TJP1: variants seen among roughly 807,000 people sequenced by gnomAD.
The protein encoded by TJP1 is tight junction protein ZO-1.
A neutral mutation model predicts 194.2 loss-of-function variants in TJP1; 43 were observed. That is an observed-to-expected ratio of 0.22 (90% CI 0.17 to 0.29). TJP1 has a LOEUF of 0.29. Ranked by LOEUF, TJP1 falls within the 10% of genes least tolerant of loss-of-function variation. The pLI is 1.00. For synonymous variants in TJP1, 801 were observed against 779.0 expected (o/e 1.03, Z -0.47); for missense variants, 1,971 against 2,185.7 (o/e 0.90, Z 1.96).
At chr15:29,891,607 C>A (rs1462255949) in intron 2 of TJP1, among the ~76,000 whole-genome samples, 1 of 152,196 alleles carries the variant, frequency 6.6e-6, no homozygotes, top group South Asian at 2.1e-4. Context: ...TTCCATGTCA[C>A]CTTTTGGTCA....
intron 1 of TJP1, 23 bp downstream of exon 1, chr15:29,821,979 C>CTGGCGGCCGCGGAGGCGCTCACCT: frequency 1.5e-6 from 2 of 1,298,860 alleles, no homozygotes; most frequent in Non-Finnish European, 2.0e-6. Context: ...CGGTCTGGCC[C>CTGGCGGCCGCGGAGGCGCTCACCT]TGGCGGCCGC....
At position 29,784,912 on chromosome 15, in the gene TJP1, A is replaced by T. The variant is rs76489170; in HGVS notation, c.85-11555T>A. ...TAAATGATAGCATGTGCAAAAAAAAATTTTTACTGTTTCCAGTAATCAAAG... is the reference window on the plus strand; with the variant it reads ...TAAATGATAGCATGTGCAAAAAAAATTTTTTACTGTTTCCAGTAATCAAAG... On this transcript the variant is annotated intron_variant, in intron 2 of 27. Coordinates refer to ENST00000614355, the MANE Select transcript of TJP1 (RefSeq NM_001330239.4). 3.8e-3 allele frequency among the ~76,000 whole-genome samples: 584 copies of T among 152,282 alleles called. 15 individuals are homozygous for T. In the East Asian group the frequency reaches 0.076, roughly 20 times the overall value.
intron 1 of TJP1, among the ~76,000 whole-genome samples, chr15:29,805,257 C>T (rs1423486341): frequency 6.6e-6 from 1 of 152,204 alleles, no homozygotes; most frequent in Non-Finnish European, 1.5e-5. Flanking sequence ...AAAGACACTA[C>T]TCAGATCACC....
At chr15:29,862,991 T>G (rs1040510467) in intron 2 of TJP1, among the ~76,000 whole-genome samples, 2 of 151,006 alleles carry the variant, frequency 1.3e-5, no homozygotes, top group African/African-American at 4.9e-5. Flanking sequence ...ACCAGATCTG[T>G]GCTTTAGAAA....
At chr15:29,734,471 A>C in intron 11 of TJP1, 89 bp from the exon 12 acceptor site, 1 of 929,426 alleles carries the variant, frequency 1.1e-6, no homozygotes, top group Non-Finnish European at 1.6e-6. Flanking sequence ...AGTCTACCTA[A>C]TTTGAAAATA....
At chr15:29,761,425 A>G (rs1356896921) in intron 7 of TJP1, 139 bp from the exon 8 acceptor site, 2 of 1,296,402 alleles carry the variant, frequency 1.5e-6, no homozygotes, top group Non-Finnish European at 2.1e-6. Context: ...TTCACCTGCC[A>G]GCAATCATAT....
At position 29,855,301 on chromosome 15, in the gene TJP1, C is replaced by A. The variant is rs575417013; in HGVS notation, c.307-54599G>T. 1.2e-3 allele frequency among the ~76,000 whole-genome samples: 190 copies of A among 152,236 alleles called. 1 individual carries two copies. The highest frequency in any genetic ancestry group is 4.3e-3 in the African/African-American group (178 of 41,544). On this transcript the variant is annotated intron_variant, in intron 2 of 28. Transcript: ENST00000356107. ...GTACAAGTTAGTCTCAAGATGCTGACAAGTTTGACACATGCAAAAAAAGTC... is the reference window on the plus strand; with the variant it reads ...GTACAAGTTAGTCTCAAGATGCTGAAAAGTTTGACACATGCAAAAAAAGTC...
intron 2 of TJP1, among the ~76,000 whole-genome samples, chr15:29,893,978 A>G (rs2053396805): frequency 6.6e-6 from 1 of 152,218 alleles, no homozygotes; most frequent in African/African-American, 2.4e-5. Context: ...TTTTGATCAG[A>G]TACTAGGAAG....
At position 29,801,504 on chromosome 15, in the gene TJP1, CA is replaced by C. The variant is rs576189349; in HGVS notation, c.28-803del. Among the ~76,000 whole-genome samples, 263 of 149,196 alleles carry C rather than the reference CA, an allele frequency of 1.8e-3. 3 individuals carry two copies. The highest frequency in any genetic ancestry group is 5.9e-3 in the African/African-American group (242 of 40,692). ...TGAGACGGAGTCTCGCTCTGTCGCC[CA>C]GGCTGGAGTGCAGTGGCGGGATCTC... On this transcript the variant is annotated intron_variant, in intron 1 of 27. Coordinates refer to ENST00000614355, the MANE Select transcript of TJP1 (RefSeq NM_001330239.4).
intron 2 of TJP1, among the ~76,000 whole-genome samples, chr15:29,778,197 T>C (rs956039701): frequency 2.0e-5 from 3 of 152,104 alleles, no homozygotes; most frequent in South Asian, 2.1e-4. Flanking sequence ...ACTTAATGAC[T>C]ATCCAGGAGC....
At chr15:29,821,860 G>GGCCCGCA (rs1380421144) in intron 1 of TJP1, 142 bp downstream of exon 1, 1 of 793,902 alleles carries the variant, frequency 1.3e-6, no homozygotes, top group Non-Finnish European at 1.5e-6. Context: ...CGCGGCCCGC[G>GGCCCGCA]GCCCCGCGCC....
intron 2 of TJP1, among the ~76,000 whole-genome samples, chr15:29,937,921 G>GTGGCC (rs1240032779): frequency 6.6e-6 from 1 of 152,210 alleles, no homozygotes; most frequent in Non-Finnish European, 1.5e-5. Context: ...GAATTAAAAT[G>GTGGCC]TGGCCTGCCT....
chr15:29,949,713 T>TCCAC (rs2055558855), intron 2 of TJP1, among the ~76,000 whole-genome samples: 1 of 12,588 alleles, frequency 7.9e-5, no homozygotes, highest in Non-Finnish European at 1.6e-4. Context: ...ACCACCTCCA[T>TCCAC]CACCTCCACC....
chr15:29,730,094 T>C (rs926339019), intron 15 of TJP1, among the ~76,000 whole-genome samples: 5 of 152,110 alleles, frequency 3.3e-5, no homozygotes, highest in Non-Finnish European at 5.9e-5. Flanking sequence ...AATGAAAATA[T>C]GCCATTACCT....
chr15:29,778,494 G>A (rs2047156655), intron 2 of TJP1, among the ~76,000 whole-genome samples: 1 of 151,798 alleles, frequency 6.6e-6, no homozygotes, highest in Non-Finnish European at 1.5e-5. Flanking sequence ...GTCTTATTTG[G>A]CCCTTTCAAC....
At chr15:29,779,556 G>A (rs1232394497) in intron 2 of TJP1, among the ~76,000 whole-genome samples, 4 of 152,198 alleles carry the variant, frequency 2.6e-5, no homozygotes, top group Admixed American at 2.0e-4. Flanking sequence ...CAATATATTC[G>A]TATACATCTT....
Position 29,708,650 on chromosome 15 carries a change from C to CA in TJP1, c.4758dup (p.Asp1587Ter). 1 of 1,614,202 alleles carries CA rather than the reference C, an allele frequency of 6.2e-7. No individual in the cohort carries two copies. Among genetic ancestry groups the CA allele is most frequent in the Non-Finnish European group, 8.5e-7 (1 of 1,180,042 alleles). The stretch of plus-strand genomic sequence containing the variant: ...ATAGAGAAAGTTTCAACTCCACTGT[C>CA]AAACTCAGGAGGCTGTGCCAAACTG... On this transcript the variant is annotated frameshift_variant, in exon 25 of 28. Transcript: ENST00000614355. LOFTEE classifies it high-confidence loss of function.
intron 2 of TJP1, among the ~76,000 whole-genome samples, chr15:29,933,145 T>C (rs1419505753): frequency 6.6e-6 from 1 of 152,188 alleles, no homozygotes; most frequent in Non-Finnish European, 1.5e-5. Flanking sequence ...TATTAATAAA[T>C]ACATATACAT....
chr15:29,836,377 A>G (rs1006461916), intron 2 of TJP1, among the ~76,000 whole-genome samples: 1 of 151,474 alleles, frequency 6.6e-6, no homozygotes, highest in Non-Finnish European at 1.5e-5. Context: ...GGTTCACGCC[A>G]TTCACCTGCC....
Sources: gnomAD v4.1 joint callset for allele counts (sites outside exome capture counted in the v4.1 genomes callset) on GRCh38, gnomAD v4.1.1 for gene constraint, MANE v1.5 for transcripts, NCBI Gene and HGNC (gene_info 2026-07-23, HGNC 2026-07-21) for gene names.